Variants in BICRAL observed in about 807,000 individuals in gnomAD.
The protein encoded by BICRAL is BRD4-interacting chromatin-remodeling complex-associated protein-like.
Under a neutral mutation model 91.8 loss-of-function variants are expected in BICRAL, and 8 were observed. The ratio of observed to expected loss-of-function variants is 0.09; its 90% CI spans 0.05 to 0.16. BICRAL has a LOEUF of 0.16. BICRAL is among the 10% of genes least tolerant of loss of function. BICRAL has a pLI of 1.00. For synonymous variants in BICRAL, 445 were observed against 491.1 expected (o/e 0.91, Z 1.24); for missense variants, 1,038 against 1,310.9 (o/e 0.79, Z 3.21).
chr6:42,794,686 C>T (rs867535935), intron 1 of BICRAL, among the ~76,000 whole-genome samples: 2 of 151,796 alleles, frequency 1.3e-5, no homozygotes, highest in Middle Eastern at 6.8e-3. Context: ...CAGTGGCTCA[C>T]GCCTGTACTC....
chr6:42,815,941 G>A (rs1242458839), intron 2 of BICRAL, among the ~76,000 whole-genome samples: 3 of 134,474 alleles, frequency 2.2e-5, no homozygotes, highest in African/African-American at 5.8e-5. Flanking sequence ...CCAAGATTGC[G>A]CCATTGCTCT....
intron 1 of BICRAL, among the ~76,000 whole-genome samples, chr6:42,791,354 T>C (rs1242875588): frequency 6.6e-6 from 1 of 152,194 alleles, no homozygotes; most frequent in Non-Finnish European, 1.5e-5. Flanking sequence ...TTTGGCTCTC[T>C]TATCTTGCAA....
At position 42,842,913 on chromosome 6, in the gene BICRAL, GCA is replaced by G. The variant is rs1176568478; in HGVS notation, c.1840-9176_1840-9175del. Among the ~76,000 whole-genome samples, 3 of 151,450 alleles carry G rather than the reference GCA, an allele frequency of 2.0e-5. No individual in the cohort carries two copies. In the East Asian group the frequency reaches 5.8e-4, roughly 29 times the overall value. On this transcript the variant is annotated intron_variant, in intron 6 of 12. Coordinates refer to ENST00000314073, the MANE Select transcript of BICRAL (RefSeq NM_001393499.1). ...CTGTCACCCAGGCTGGAGTGCAGTG[GCA>G]CAGTCTTGGCTCACTGCAAGCTCCG...
rs184125955 is a variant in BICRAL, at chr6:42,787,129, T to G, written c.-102+5028T>G. 1.6e-3 allele frequency among the ~76,000 whole-genome samples: 251 copies of G among 152,222 alleles called. 1 individual carries two copies. The highest frequency in any genetic ancestry group is 5.7e-3 in the African/African-American group (236 of 41,526). ...AGATACAGCAGAGTAGACAGCAACT[T>G]TTACATATGTATTTTGGAGGTGGAA... On this transcript the variant is annotated intron_variant, in intron 1 of 12. Transcript: ENST00000314073.
chr6:42,857,614 A>AT (rs1554283187), intron 10 of BICRAL, among the ~76,000 whole-genome samples: 1,586 of 96,150 alleles, frequency 0.016, 18 homozygotes, highest in East Asian at 0.041. Context: ...AAAAAAAAAA[A>AT]ATATATATAT....
At chr6:42,789,300 G>GA (rs1404640676) in intron 1 of BICRAL, among the ~76,000 whole-genome samples, 8 of 151,892 alleles carry the variant, frequency 5.3e-5, no homozygotes, top group South Asian at 2.1e-4. Flanking sequence ...CCCAATCCTG[G>GA]AAAAAAATGG....
chr6:42,799,451 C>T lies in BICRAL; in HGVS notation c.-101-10855C>T, dbSNP rs945284520. Among the ~76,000 whole-genome samples the T allele has an allele frequency of 8.5e-5, 13 of 152,114 alleles. No individual in the cohort carries two copies. The East Asian group carries it at 2.1e-3, about 25-fold the overall frequency. On this transcript the variant is annotated intron_variant, in intron 1 of 12. Transcript: ENST00000314073. ...CTGGGACTACAGGCACGTGCCACCA[C>T]GCCCGGCTAGTTTTTTGTATTTTTA...
At chr6:42,803,990 A>G (rs1482251855) in intron 1 of BICRAL, among the ~76,000 whole-genome samples, 1 of 152,106 alleles carries the variant, frequency 6.6e-6, no homozygotes, top group Non-Finnish European at 1.5e-5. Flanking sequence ...AACACTAACA[A>G]TATAGTTTTT....
chr6:42,748,125 T>TTTC (rs1762316098), intron 1 of BICRAL, among the ~76,000 whole-genome samples: 1 of 149,882 alleles, frequency 6.7e-6, no homozygotes, highest in African/African-American at 2.5e-5. Flanking sequence ...TTTTTTTTTT[T>TTTC]CCAGAAAAGC....
In BICRAL at chr6:42,784,645, C is replaced by T. The variant is rs148766103; in HGVS notation, c.-102+2544C>T. Reference sequence around the variant, plus strand: ...CGTTCATAGAAGTATAGTAATTGTTCGAGGTCTTGCAGTTTTAAGTAGTAA... The same window carrying T: ...CGTTCATAGAAGTATAGTAATTGTTTGAGGTCTTGCAGTTTTAAGTAGTAA... On this transcript the variant is annotated intron_variant, in intron 1 of 12. Transcript: ENST00000314073. Among the ~76,000 whole-genome samples the T allele has an allele frequency of 5.5e-3, 832 of 152,276 alleles. 7 individuals carry two copies. Among genetic ancestry groups the T allele is most frequent in the African/African-American group, 0.019 (803 of 41,556 alleles).
intron 8 of BICRAL, among the ~76,000 whole-genome samples, chr6:42,855,383 A>G (rs1253081720): frequency 6.6e-6 from 1 of 152,234 alleles, no homozygotes; most frequent in Non-Finnish European, 1.5e-5. Context: ...TCTACAAAAA[A>G]TACCAAAAAA....
intron 5 of BICRAL, 38 bp from the exon 6 acceptor site, chr6:42,828,455 G>T: frequency 1.3e-6 from 2 of 1,527,446 alleles, no homozygotes; most frequent in South Asian, 1.2e-5. Context: ...CTTTTCAAAG[G>T]TTACATATGC....
In BICRAL at chr6:42,765,076, C is replaced by T. The variant is rs115808892; in HGVS notation, c.-260-16763C>T. Among the ~76,000 whole-genome samples the T allele has an allele frequency of 8.6e-3, 1,317 of 152,290 alleles. 19 individuals carry two copies. The highest frequency in any genetic ancestry group is 0.029 in the African/African-American group (1,197 of 41,554). The stretch of plus-strand genomic sequence containing the variant: ...AAGAGCTGTCTTTGTGTCATTACAA[C>T]GCTGTAGCAATAAGGAACTATGCAT... On this transcript the variant is annotated intron_variant, in intron 1 of 14. Coordinates refer to the BICRAL transcript ENST00000614467.
Position 42,822,832 on chromosome 6 carries a change from T to C in BICRAL, c.78T>C (p.Pro26=). 1 of 1,570,998 alleles carries C rather than the reference T, an allele frequency of 6.4e-7. No homozygotes were observed. The highest frequency in any genetic ancestry group is 8.8e-7 in the Non-Finnish European group (1 of 1,141,622). The change falls in exon 4 of 13, where the codon CCT becomes CCC. Residue 26 remains proline, a synonymous_variant. Coordinates refer to ENST00000314073, the MANE Select transcript of BICRAL (RefSeq NM_001393499.1). ...PQALNYFLHG[P]SNKSSNDDLT... ...CATTGAACTATTTTCTACATGGACC[T>C]AGTAATAAATCTGTAAGTAATGCAT...
intron 1 of BICRAL, among the ~76,000 whole-genome samples, chr6:42,760,294 G>A (rs1481154740): frequency 3.3e-5 from 5 of 151,122 alleles, no homozygotes; most frequent in Non-Finnish European, 5.9e-5. Flanking sequence ...CGAGGCACGC[G>A]GATCACCTGA....
intron 1 of BICRAL, among the ~76,000 whole-genome samples, chr6:42,791,224 C>T (rs906878046): frequency 2.0e-5 from 3 of 152,104 alleles, no homozygotes; most frequent in Non-Finnish European, 4.4e-5. Flanking sequence ...ACCAGATCCT[C>T]TTATACCCAG....
intron 2 of BICRAL, among the ~76,000 whole-genome samples, chr6:42,819,927 C>G (rs537561879): frequency 6.6e-6 from 1 of 152,298 alleles, no homozygotes; most frequent in East Asian, 1.9e-4. Flanking sequence ...AGGGAGCCTT[C>G]TTTCAAGCCA....
chr6:42,786,972 G>T (rs922125204), intron 1 of BICRAL, among the ~76,000 whole-genome samples: 2 of 152,124 alleles, frequency 1.3e-5, no homozygotes, highest in African/African-American at 4.8e-5. Context: ...AATGAGAGGG[G>T]TTTTAATTTG....
chr6:42,798,659 A>G (rs1482696654), intron 1 of BICRAL, among the ~76,000 whole-genome samples: 1 of 152,220 alleles, frequency 6.6e-6, no homozygotes, highest in Non-Finnish European at 1.5e-5. Context: ...TCAAGTCACT[A>G]CATTCCAGCC....
Sources: gnomAD v4.1 joint callset for allele counts (sites outside exome capture counted in the v4.1 genomes callset) on GRCh38, gnomAD v4.1.1 for gene constraint, MANE v1.5 for transcripts, NCBI Gene and HGNC (gene_info 2026-07-23, HGNC 2026-07-21) for gene names.